MYO1D: variants seen among roughly 807,000 people sequenced by gnomAD.
MYO1D encodes myosin ID.
MYO1D carries 83 observed loss-of-function variants against 122.0 expected under a neutral mutation model. That is an observed-to-expected ratio of 0.68 (90% confidence interval 0.57 to 0.82). The LOEUF (loss-of-function observed/expected upper bound fraction) is 0.82. Ranked by LOEUF, MYO1D falls within the 40% of genes least tolerant of loss-of-function variation. The pLI is 0.00. For missense variants in MYO1D, 1,157 were observed against 1,269.5 expected (o/e 0.91, Z 1.35); for synonymous variants, 464 against 446.9 (o/e 1.04, Z -0.48).
chr17:32,721,327 GTAGT>G, intron 14 of MYO1D, 138 bp from the exon 15 acceptor site: 1 of 786,350 alleles, frequency 1.3e-6, no homozygotes, highest in Non-Finnish European at 2.0e-6. Context: ...TGTGAATAAA[GTAGT>G]TATTCTTCCT....
At chr17:32,645,094 G>T (rs1024723327) in intron 19 of MYO1D, among the ~76,000 whole-genome samples, 37 of 152,114 alleles carry the variant, frequency 2.4e-4, no homozygotes, top group Admixed American at 7.9e-4. Context: ...AGGAGCTCTT[G>T]TAGGGCAGGC....
intron 21 of MYO1D, among the ~76,000 whole-genome samples, chr17:32,569,597 C>T (rs560793269): frequency 2.6e-4 from 39 of 152,204 alleles, no homozygotes; most frequent in African/African-American, 3.4e-4. Flanking sequence ...CAATGGGAGA[C>T]GCCCAGGAGT....
At chr17:32,841,736 A>G (rs2090884330) in intron 1 of MYO1D, among the ~76,000 whole-genome samples, 1 of 152,088 alleles carries the variant, frequency 6.6e-6, no homozygotes, top group South Asian at 2.1e-4. Context: ...AGGCAGAATT[A>G]GCCTAATAGA....
chr17:32,686,308 A>G (rs1279735685), intron 16 of MYO1D: 1 of 152,250 alleles, frequency 6.6e-6, no homozygotes, highest in Non-Finnish European at 1.5e-5. Context: ...GGAGGCAGCC[A>G]CAAGCCATGG....
At chr17:32,740,554 C>T (rs2089760534) in intron 13 of MYO1D, among the ~76,000 whole-genome samples, 2 of 152,202 alleles carry the variant, frequency 1.3e-5, no homozygotes, top group African/African-American at 4.8e-5. Flanking sequence ...TGATAGCTCA[C>T]TGCAGCCTCG....
At chr17:32,587,436 C>T (rs188400536) in intron 21 of MYO1D, among the ~76,000 whole-genome samples, 1 of 151,120 alleles carries the variant, frequency 6.6e-6, no homozygotes, top group African/African-American at 2.4e-5. Flanking sequence ...TGCTTGAACC[C>T]AGGAGGTGGG....
chr17:32,547,996 C>G (rs1396354266), intron 21 of MYO1D, among the ~76,000 whole-genome samples: 1 of 151,754 alleles, frequency 6.6e-6, no homozygotes, highest in African/African-American at 2.4e-5. Context: ...TTTTGGACAG[C>G]CCAGTTCTTA....
intron 21 of MYO1D, among the ~76,000 whole-genome samples, chr17:32,545,008 T>C (rs1219429841): frequency 1.3e-5 from 2 of 152,218 alleles, no homozygotes; most frequent in South Asian, 4.1e-4. Context: ...TCCACCTGCC[T>C]TGCGTATTGA....
At chr17:32,700,875 T>G (rs1466769379) in intron 16 of MYO1D, among the ~76,000 whole-genome samples, 4 of 142,372 alleles carry the variant, frequency 2.8e-5, no homozygotes, top group African/African-American at 1.0e-4. Context: ...ACCCAGGAGG[T>G]GGAGGTTGCA....
chr17:32,648,097 C>A (rs2088323550), intron 19 of MYO1D, among the ~76,000 whole-genome samples: 1 of 152,054 alleles, frequency 6.6e-6, no homozygotes, highest in African/African-American at 2.4e-5. Flanking sequence ...ACCTGTAATT[C>A]CAGCTACTGG....
chr17:32,840,471 T>C (rs2090869911), intron 1 of MYO1D, among the ~76,000 whole-genome samples: 1 of 152,222 alleles, frequency 6.6e-6, no homozygotes, highest in African/African-American at 2.4e-5. Flanking sequence ...TCTCCTTCAA[T>C]GGGCAGTATT....
intron 1 of MYO1D, among the ~76,000 whole-genome samples, chr17:32,873,090 A>G (rs909359733): frequency 2.0e-5 from 3 of 152,236 alleles, no homozygotes; most frequent in Non-Finnish European, 4.4e-5. Flanking sequence ...AGGGAAAAAG[A>G]AGGCCAGATT....
intron 12 of MYO1D, 149 bp from the exon 13 acceptor site, chr17:32,745,434 G>T: frequency 5.2e-6 from 3 of 579,590 alleles, no homozygotes; most frequent in South Asian, 2.3e-5. Context: ...TGTATTAAAG[G>T]ATACCAAATT....
chr17:32,543,665 G>A (rs997368456), intron 21 of MYO1D, among the ~76,000 whole-genome samples: 6 of 152,136 alleles, frequency 3.9e-5, no homozygotes, highest in African/African-American at 1.4e-4. Flanking sequence ...ACTACTCCAG[G>A]GTGCCCTTCA....
At chr17:32,872,804 C>T (rs1441215431) in intron 1 of MYO1D, among the ~76,000 whole-genome samples, 1 of 151,436 alleles carries the variant, frequency 6.6e-6, no homozygotes, top group African/African-American at 2.4e-5. Context: ...TCACGCCATT[C>T]TCCTGCCTCA....
rs1047142874 is a variant in MYO1D, at chr17:32,724,350, A to G, written c.1747-3161T>C. Among the ~76,000 whole-genome samples the G allele has an allele frequency of 2.0e-5, 3 of 152,214 alleles. 1 individual carries two copies. In the South Asian group the frequency reaches 6.2e-4, roughly 32 times the overall value. On this transcript the variant is annotated intron_variant, in intron 14 of 21. Transcript: ENST00000318217. ...TGGAACTAATTAGCTAATTTATGAA[A>G]TGAAGATACGGGGGCTTTCTTTGAG...
intron 20 of MYO1D, among the ~76,000 whole-genome samples, chr17:32,630,940 A>G (rs1314238935): frequency 2.6e-5 from 4 of 152,014 alleles, no homozygotes; most frequent in African/African-American, 7.3e-5. Context: ...CTGTCTTCAC[A>G]TGGCCTTCCC....
intron 1 of MYO1D, among the ~76,000 whole-genome samples, chr17:32,811,614 C>CCCTT (rs1162394665): frequency 8.4e-6 from 1 of 118,930 alleles, no homozygotes; most frequent in Non-Finnish European, 1.8e-5. Flanking sequence ...AACCCTCACC[C>CCCTT]TCTTTTTTTT....
intron 1 of MYO1D, among the ~76,000 whole-genome samples, chr17:32,835,232 A>G (rs184346250): frequency 1.5e-3 from 221 of 151,670 alleles, no homozygotes; most frequent in African/African-American, 5.1e-3. Context: ...CTGCTTGGCA[A>G]ATACCCATTA....
Sources: gnomAD v4.1 joint callset for allele counts (sites outside exome capture counted in the v4.1 genomes callset) on GRCh38, gnomAD v4.1.1 for gene constraint, MANE v1.5 for transcripts, NCBI Gene and HGNC (gene_info 2026-07-23, HGNC 2026-07-21) for gene names.